The following CNTN4 variants were observed in gnomAD, a reference collection of about 807,000 sequenced individuals.
CNTN4 encodes the protein contactin 4.
A neutral mutation model predicts 122.5 loss-of-function variants in CNTN4; 77 were observed. That is an observed-to-expected ratio of 0.63 (90% CI 0.52 to 0.76). The LOEUF (loss-of-function observed/expected upper bound fraction) is 0.76. Ranked by LOEUF, CNTN4 falls within the 30% of genes least tolerant of loss-of-function variation. The probability of loss-of-function intolerance (pLI) is 0.00; values close to 1 mark genes in which losing one functional copy is unlikely to be tolerated. For synonymous variants in CNTN4, 512 were observed against 447.0 expected (o/e 1.15, Z -1.83); for missense variants, 1,256 against 1,259.1 (o/e 1.00, Z 0.04).
At chr3:2,798,695 G>T (rs1427120289) in intron 6 of CNTN4, among the ~76,000 whole-genome samples, 1 of 152,066 alleles carries the variant, frequency 6.6e-6, no homozygotes, top group African/African-American at 2.4e-5. Context: ...ATTTTTAGTA[G>T]AGATGCGGCC....
chr3:2,915,918 G>A (rs1417103698), intron 12 of CNTN4, among the ~76,000 whole-genome samples: 14 of 152,142 alleles, frequency 9.2e-5, no homozygotes, highest in African/African-American at 2.9e-4. Context: ...CTAATGAAAC[G>A]AGCCAGTCAC....
intron 7 of CNTN4, among the ~76,000 whole-genome samples, chr3:2,833,163 T>C (rs12636975): frequency 0.47 from 70,983 of 152,058 alleles, 18,803 homozygotes; most frequent in East Asian, 0.8. Flanking sequence ...ACTGTGCTTT[T>C]GGTCAAGTAC....
At chr3:2,914,613 A>G (rs1282106101) in intron 12 of CNTN4, among the ~76,000 whole-genome samples, 1 of 152,252 alleles carries the variant, frequency 6.6e-6, no homozygotes, top group Non-Finnish European at 1.5e-5. Flanking sequence ...GAATAGACTT[A>G]GAACTAGCAA....
chr3:2,592,911 G>C (rs1397553411), intron 4 of CNTN4, among the ~76,000 whole-genome samples: 1 of 152,156 alleles, frequency 6.6e-6, no homozygotes, highest in Non-Finnish European at 1.5e-5. Flanking sequence ...GAACCTTTGT[G>C]CACATTTATT....
intron 3 of CNTN4, among the ~76,000 whole-genome samples, chr3:2,452,257 T>C (rs1464967721): frequency 2.6e-5 from 4 of 152,144 alleles, no homozygotes; most frequent in African/African-American, 9.7e-5. Context: ...AATTAGGCCG[T>C]TGGGAAGGAA....
At chr3:3,002,917 C>T (rs756920490) in intron 14 of CNTN4, among the ~76,000 whole-genome samples, 40 of 152,132 alleles carry the variant, frequency 2.6e-4, no homozygotes, top group Non-Finnish European at 4.4e-4. Flanking sequence ...CCATTTAAAT[C>T]GTGTGGGCAG....
At chr3:2,877,290 T>G (rs749824490) in intron 8 of CNTN4, among the ~76,000 whole-genome samples, 1 of 152,248 alleles carries the variant, frequency 6.6e-6, no homozygotes, top group Non-Finnish European at 1.5e-5. Context: ...GAATATTTAC[T>G]TATTTAATTT....
chr3:2,145,950 T>TC (rs1416965257), intron 2 of CNTN4, among the ~76,000 whole-genome samples: 3 of 151,566 alleles, frequency 2.0e-5, no homozygotes, highest in Non-Finnish European at 2.9e-5. Context: ...ATTCTTAGTT[T>TC]TTTTTTTTTA....
chr3:2,495,892 C>G (rs992524139), intron 3 of CNTN4, among the ~76,000 whole-genome samples: 1 of 152,164 alleles, frequency 6.6e-6, no homozygotes, highest in African/African-American at 2.4e-5. Context: ...CAAATTGGAT[C>G]CAGGTTTCAG....
At chr3:2,603,015 G>A (rs2619564) in intron 4 of CNTN4, among the ~76,000 whole-genome samples, 131,974 of 152,190 alleles carry the variant, frequency 0.87, 57,338 homozygotes, top group East Asian at 0.99. Flanking sequence ...AATTATGAGA[G>A]GAAATGTTTT....
intron 4 of CNTN4, among the ~76,000 whole-genome samples, chr3:2,697,289 T>C (rs564241737): frequency 6.6e-6 from 1 of 152,212 alleles, no homozygotes; most frequent in Non-Finnish European, 1.5e-5. Flanking sequence ...GCCTGCCCAG[T>C]GACTGTTTCT....
intron 2 of CNTN4, among the ~76,000 whole-genome samples, chr3:2,236,048 A>G (rs144842820): frequency 7.9e-4 from 121 of 152,256 alleles, no homozygotes; most frequent in African/African-American, 2.8e-3. Context: ...GGTCAAGTTG[A>G]GTTTTGAGGG....
intron 13 of CNTN4, among the ~76,000 whole-genome samples, chr3:2,974,046 A>G (rs543765174): frequency 6.6e-6 from 1 of 152,342 alleles, no homozygotes; most frequent in Admixed American, 6.5e-5. Flanking sequence ...CCTTCTGAGA[A>G]TATCAAGGGG....
intron 3 of CNTN4, among the ~76,000 whole-genome samples, chr3:2,413,744 A>G (rs1485932805): frequency 6.6e-6 from 1 of 152,058 alleles, no homozygotes; most frequent in African/African-American, 2.4e-5. Flanking sequence ...GGGTTTCACC[A>G]TGTTGGCCAG....
intron 13 of CNTN4, among the ~76,000 whole-genome samples, chr3:2,959,186 A>G (rs1308722481): frequency 4.6e-5 from 7 of 152,226 alleles, no homozygotes; most frequent in Non-Finnish European, 1.0e-4. Flanking sequence ...AGGAAACTAC[A>G]GCAATTTTTT....
intron 3 of CNTN4, among the ~76,000 whole-genome samples, chr3:2,533,338 G>A (rs74691971): frequency 2.0e-5 from 3 of 151,856 alleles, no homozygotes; most frequent in South Asian, 4.2e-4. Context: ...CCGTGTCCAA[G>A]TGTTCTCATT....
intron 3 of CNTN4, among the ~76,000 whole-genome samples, chr3:2,451,462 G>C (rs79638226): frequency 0.25 from 35,734 of 144,348 alleles, 5,314 homozygotes; most frequent in Non-Finnish European, 0.35. Flanking sequence ...AAAAAAAAAA[G>C]AAAAGACAAC....
intron 13 of CNTN4, among the ~76,000 whole-genome samples, chr3:2,947,414 C>G (rs1352094389): frequency 6.6e-6 from 1 of 152,190 alleles, no homozygotes; most frequent in Non-Finnish European, 1.5e-5. Context: ...AGATCTAGCT[C>G]TATCCCTTTA....
intron 8 of CNTN4, among the ~76,000 whole-genome samples, chr3:2,879,370 G>T (rs913973506): frequency 1.3e-5 from 2 of 152,132 alleles, no homozygotes; most frequent in African/African-American, 4.8e-5. Context: ...CTATCCTCTA[G>T]AACTGTAAGA....
Sources: gnomAD v4.1 joint callset for allele counts (sites outside exome capture counted in the v4.1 genomes callset) on GRCh38, gnomAD v4.1.1 for gene constraint, MANE v1.5 for transcripts, NCBI Gene and HGNC (gene_info 2026-07-23, HGNC 2026-07-21) for gene names.